Variants in PDGFRA observed in about 807,000 individuals in gnomAD.
The protein encoded by PDGFRA is platelet derived growth factor receptor alpha.
In PDGFRA, 25 loss-of-function variants were observed where a neutral mutation model predicts 121.5. That is an observed-to-expected ratio of 0.21 (90% CI 0.15 to 0.29). The LOEUF is 0.29. Among genes scored for constraint, PDGFRA ranks in the 10% least tolerant of loss-of-function variants. The pLI is 1.00. For missense variants in PDGFRA, 1,008 were observed against 1,345.1 expected (o/e 0.75, Z 3.92); for synonymous variants, 463 against 494.8 (o/e 0.94, Z 0.85).
intron 1 of PDGFRA, among the ~76,000 whole-genome samples, chr4:54,237,666 C>T (rs1721087534): frequency 6.6e-6 from 1 of 152,214 alleles, no homozygotes; most frequent in South Asian, 2.1e-4. Flanking sequence ...GTGTGGAAGC[C>T]TTGCATCCCA....
chr4:54,244,341 A>G (rs922910655), intron 1 of PDGFRA, among the ~76,000 whole-genome samples: 1 of 152,202 alleles, frequency 6.6e-6, no homozygotes, highest in African/African-American at 2.4e-5. Context: ...CTGACACCTC[A>G]CACAGCCGGG....
intron 1 of PDGFRA, among the ~76,000 whole-genome samples, chr4:54,233,007 C>T (rs898035801): frequency 6.6e-6 from 1 of 152,158 alleles, no homozygotes; most frequent in East Asian, 1.9e-4. Flanking sequence ...TCCTGTAACC[C>T]TAAACCCCTC....
chr4:54,265,277 G>A, intron 5 of PDGFRA: 1 of 519,008 alleles, frequency 1.9e-6, no homozygotes, highest in Non-Finnish European at 3.5e-6. Context: ...TACATAAAGA[G>A]TGTGCCGTAA....
At chr4:54,272,292 T>G in intron 8 of PDGFRA, 102 bp from the exon 9 acceptor site, 1 of 1,310,112 alleles carries the variant, frequency 7.6e-7, no homozygotes, top group Non-Finnish European at 1.1e-6. Context: ...CGGAGTGTTT[T>G]GAATGCCATG....
chr4:54,274,203 G>C (rs1560479664), intron 10 of PDGFRA, among the ~76,000 whole-genome samples: 2 of 152,154 alleles, frequency 1.3e-5, no homozygotes. Flanking sequence ...ATGAAGTAGA[G>C]GTGTCTGCCC....
chr4:54,295,305 G>A lies in PDGFRA; in HGVS notation c.*33G>A. ...ATTCGAGGGGTTCCTTCCACTTCTGGGGCCACCTCTGGATCCCGTTCAGAA... is the reference window on the plus strand; with the variant it reads ...ATTCGAGGGGTTCCTTCCACTTCTGAGGCCACCTCTGGATCCCGTTCAGAA... On this transcript the variant is annotated 3_prime_UTR_variant, in exon 23 of 23. Transcript: ENST00000257290. 6.2e-7 allele frequency: 1 copy of A among 1,611,932 alleles called. No individual in the cohort carries two copies. Among genetic ancestry groups the A allele is most frequent in the South Asian group, 1.1e-5 (1 of 90,988 alleles).
intron 12 of PDGFRA, chr4:54,276,647 A>G (rs1723742734): frequency 1.3e-5 from 2 of 152,324 alleles, no homozygotes; most frequent in African/African-American, 2.4e-5. Context: ...CTTTCCAGGT[A>G]CGATTTTCAG....
intron 16 of PDGFRA, chr4:54,281,663 G>T: frequency 7.3e-7 from 1 of 1,361,308 alleles, no homozygotes; most frequent in Non-Finnish European, 9.7e-7. Context: ...GCAGACCACT[G>T]CTTTCTGGCC....
In PDGFRA at chr4:54,296,065, CAT is replaced by C. The variant is rs1724866086; in HGVS notation, c.*794_*795del. On this transcript the variant is annotated 3_prime_UTR_variant, in exon 23 of 23. Coordinates refer to ENST00000257290, the MANE Select transcript of PDGFRA (RefSeq NM_006206.6). ...AGTTTTTGACATTTATATTAAATAA[CAT>C]GTTTCTCTATAAAGTATGGTAATAG... 2 of 232,402 alleles carry C rather than the reference CAT, an allele frequency of 8.6e-6. No homozygotes were observed. Among genetic ancestry groups the C allele is most frequent in the African/African-American group, 4.4e-5 (2 of 45,274 alleles). 14.4% of individuals were successfully genotyped at this position (232,402 alleles called of 1,614,324 possible).
At chr4:54,261,514 G>A (rs1468659758) in intron 3 of PDGFRA, 102 bp downstream of exon 3, 3 of 706,904 alleles carry the variant, frequency 4.2e-6, no homozygotes, top group Non-Finnish European at 6.9e-6. Context: ...AATATTTATT[G>A]CGGGAAGTTT....
At chr4:54,248,038 A>G (rs554235563) in intron 1 of PDGFRA, among the ~76,000 whole-genome samples, 59 of 152,344 alleles carry the variant, frequency 3.9e-4, no homozygotes, top group South Asian at 1.0e-3. Context: ...TTCAAGAACT[A>G]CAAACCACTG....
intron 10 of PDGFRA, 88 bp from the exon 11 acceptor site, chr4:54,274,443 C>T (rs1723592438): frequency 1.1e-6 from 1 of 947,698 alleles, no homozygotes. Flanking sequence ...TGAGAGATTC[C>T]TGGCTCAGAC....
chr4:54,243,726 T>A (rs534970553), intron 1 of PDGFRA: 17 of 152,742 alleles, frequency 1.1e-4, no homozygotes, highest in African/African-American at 4.1e-4. Flanking sequence ...GGACAGTGGG[T>A]GCAGCGCACC....
At chr4:54,255,506 C>CT (rs375357866) in intron 1 of PDGFRA, among the ~76,000 whole-genome samples, 13,143 of 138,080 alleles carry the variant, frequency 0.095, 786 homozygotes, top group African/African-American at 0.16. Context: ...TCTCCCCTTT[C>CT]TTTTTTTTTT....
chr4:54,277,591 A>G, intron 13 of PDGFRA, 99 bp downstream of exon 13: 2 of 809,660 alleles, frequency 2.5e-6, no homozygotes. Context: ...TAAATAAGAC[A>G]TTTAGGACTA....
intron 1 of PDGFRA, among the ~76,000 whole-genome samples, chr4:54,239,042 C>T (rs1303460553): frequency 1.3e-5 from 2 of 152,138 alleles, no homozygotes; most frequent in East Asian, 3.9e-4. Context: ...GGCCAAAACC[C>T]ACCAAAACGA....
At chr4:54,294,848 C>G (rs1218783028) in intron 22 of PDGFRA, among the ~76,000 whole-genome samples, 1 of 152,184 alleles carries the variant, frequency 6.6e-6, no homozygotes, top group Non-Finnish European at 1.5e-5. Context: ...TTCTCTTCCA[C>G]TAGGATTGAG....
At chr4:54,291,218 CT>C (rs1271013310) in intron 22 of PDGFRA, among the ~76,000 whole-genome samples, 1 of 152,198 alleles carries the variant, frequency 6.6e-6, no homozygotes, top group Non-Finnish European at 1.5e-5. Flanking sequence ...ATGTCTGTCT[CT>C]CCTCAGCCTC....
chr4:54,265,518 T>G (rs891537473), intron 5 of PDGFRA, among the ~76,000 whole-genome samples: 1 of 152,174 alleles, frequency 6.6e-6, no homozygotes, highest in African/African-American at 2.4e-5. Flanking sequence ...GTCTTCCTGT[T>G]CCACCTCCTA....
Sources: gnomAD v4.1 joint callset for allele counts (sites outside exome capture counted in the v4.1 genomes callset) on GRCh38, gnomAD v4.1.1 for gene constraint, MANE v1.5 for transcripts, NCBI Gene and HGNC (gene_info 2026-07-23, HGNC 2026-07-21) for gene names.